The following CCSER1 variants were observed in gnomAD, a reference collection of about 807,000 sequenced individuals.
CCSER1 encodes coiled-coil serine rich protein 1.
A neutral mutation model predicts 82.0 loss-of-function variants in CCSER1; 41 were observed. The observed-to-expected ratio is 0.50, with a 90% CI of 0.39 to 0.65. The LOEUF (loss-of-function observed/expected upper bound fraction) is 0.65. Among genes scored for constraint, CCSER1 ranks in the 30% least tolerant of loss-of-function variants. CCSER1 has a pLI of 0.00. For missense variants in CCSER1, 1,119 were observed against 1,064.2 expected (o/e 1.05, Z -0.72); for synonymous variants, 414 against 383.9 (o/e 1.08, Z -0.92).
chr4:90,759,999 T>G (rs534830806), intron 7 of CCSER1, among the ~76,000 whole-genome samples: 6 of 152,122 alleles, frequency 3.9e-5, no homozygotes, highest in African/African-American at 9.6e-5. Context: ...ATATTATAAA[T>G]GAAGTATAAA....
At chr4:90,499,772 T>C (rs1280902753) in intron 5 of CCSER1, among the ~76,000 whole-genome samples, 1 of 152,182 alleles carries the variant, frequency 6.6e-6, no homozygotes, top group East Asian at 1.9e-4. Flanking sequence ...TGATTTCTCA[T>C]GTTCCATCAT....
intron 4 of CCSER1, among the ~76,000 whole-genome samples, chr4:90,432,963 T>C (rs1042747440): frequency 5.3e-5 from 8 of 152,156 alleles, no homozygotes; most frequent in African/African-American, 1.9e-4. Flanking sequence ...TAAAGCTCAG[T>C]TCTTAGACTT....
chr4:91,142,068 G>A (rs1173013687), intron 10 of CCSER1, among the ~76,000 whole-genome samples: 1 of 152,122 alleles, frequency 6.6e-6, no homozygotes, highest in East Asian at 1.9e-4. Context: ...TGCTTACCCT[G>A]TGATATGGTT....
At chr4:91,225,424 C>G (rs939258016) in intron 10 of CCSER1, among the ~76,000 whole-genome samples, 1 of 141,512 alleles carries the variant, frequency 7.1e-6, no homozygotes, top group Non-Finnish European at 1.5e-5. Flanking sequence ...TGAAAATATA[C>G]AGTATTTCTT....
intron 9 of CCSER1, among the ~76,000 whole-genome samples, chr4:91,074,342 A>C (rs1238662346): frequency 1.3e-5 from 2 of 152,228 alleles, no homozygotes; most frequent in African/African-American, 2.4e-5. Context: ...CTGAAATAGT[A>C]ATGAGTCTTT....
Position 91,598,937 on chromosome 4 carries a change from C to A in CCSER1, c.2583C>A (p.Gly861=). The change falls in exon 11 of 11, where the codon GGC becomes GGA. Residue 861 remains glycine (G), a synonymous_variant. Coordinates refer to ENST00000509176, the MANE Select transcript of CCSER1 (RefSeq NM_001145065.2). ...CCCGACAGCATTCGACCTTTACAGG[C>A]AGGTTTGGACAGCCACCCAGAGGGC... is the stretch of plus-strand genomic sequence containing the variant. The part of the protein sequence containing the change: ...ATARQHSTFT[G]RFGQPPRGPI... 2.6e-6 allele frequency: 4 copies of A among 1,551,556 alleles called. No individual in the cohort carries two copies. Among genetic ancestry groups the A allele is most frequent in the Non-Finnish European group, 3.5e-6 (4 of 1,146,896 alleles).
At chr4:90,654,998 A>C (rs947730525) in intron 6 of CCSER1, among the ~76,000 whole-genome samples, 6 of 152,066 alleles carry the variant, frequency 3.9e-5, no homozygotes, top group Non-Finnish European at 8.8e-5. Flanking sequence ...TGCATATTTA[A>C]ATTTAGATTA....
In CCSER1 at chr4:90,582,415, T is replaced by A. The variant is rs144023876; in HGVS notation, c.1725-45610T>A. 7.5e-3 allele frequency among the ~76,000 whole-genome samples: 1,143 copies of A among 152,326 alleles called. 11 individuals are homozygous for A. The highest frequency in any genetic ancestry group is 0.026 in the African/African-American group (1,073 of 41,548). On this transcript the variant is annotated intron_variant, in intron 5 of 10. Transcript: ENST00000509176. ...TAGGAACTCTTTAAATTTCTTTACC[T>A]ACTATTATATTAATAACACTTTAGT...
intron 8 of CCSER1, among the ~76,000 whole-genome samples, chr4:90,863,441 C>T (rs1225173790): frequency 1.3e-5 from 2 of 151,842 alleles, no homozygotes; most frequent in South Asian, 4.1e-4. Context: ...ATGATAGATA[C>T]TTTTACATAT....
intron 10 of CCSER1, among the ~76,000 whole-genome samples, chr4:91,485,452 A>G (rs554248733): frequency 6.6e-6 from 1 of 152,302 alleles, no homozygotes; most frequent in South Asian, 2.1e-4. Flanking sequence ...TTTTTACACT[A>G]TGACAAAAAT....
chr4:90,605,020 G>A (rs1015515921), intron 5 of CCSER1, among the ~76,000 whole-genome samples: 5 of 152,290 alleles, frequency 3.3e-5, no homozygotes, highest in African/African-American at 1.2e-4. Context: ...CGTGTGGGAG[G>A]TTTGTTCTTT....
intron 9 of CCSER1, among the ~76,000 whole-genome samples, chr4:91,038,762 C>T (rs1454435894): frequency 6.6e-6 from 1 of 151,988 alleles, no homozygotes; most frequent in Non-Finnish European, 1.5e-5. Flanking sequence ...ATTCTATGTT[C>T]TTCACTCAAA....
chr4:90,269,612 A>G (rs1346425012), intron 1 of CCSER1, among the ~76,000 whole-genome samples: 1 of 152,050 alleles, frequency 6.6e-6, no homozygotes, highest in Non-Finnish European at 1.5e-5. Flanking sequence ...ACAACAGTGC[A>G]TCTTAAAGAA....
chr4:91,557,919 T>C (rs1762477927), intron 10 of CCSER1, among the ~76,000 whole-genome samples: 1 of 151,346 alleles, frequency 6.6e-6, no homozygotes, highest in Admixed American at 6.6e-5. Context: ...TTTACATATT[T>C]ATTTATACTA....
At chr4:91,451,271 A>G (rs1176470642) in intron 10 of CCSER1, among the ~76,000 whole-genome samples, 1 of 151,972 alleles carries the variant, frequency 6.6e-6, no homozygotes, top group Non-Finnish European at 1.5e-5. Context: ...TCAACATATG[A>G]AAATTTAAGG....
At chr4:90,967,424 G>A (rs1734675827) in intron 9 of CCSER1, among the ~76,000 whole-genome samples, 1 of 151,870 alleles carries the variant, frequency 6.6e-6, no homozygotes, top group African/African-American at 2.4e-5. Flanking sequence ...ACTCCAGCCT[G>A]GGCGACAGAG....
At chr4:91,090,966 A>G (rs892843896) in intron 10 of CCSER1, among the ~76,000 whole-genome samples, 1 of 152,108 alleles carries the variant, frequency 6.6e-6, no homozygotes, top group African/African-American at 2.4e-5. Flanking sequence ...GCTTCCACTC[A>G]TGCAGGAGGG....
intron 5 of CCSER1, among the ~76,000 whole-genome samples, chr4:90,581,301 A>T (rs370324202): frequency 6.6e-6 from 1 of 152,160 alleles, no homozygotes; most frequent in South Asian, 2.1e-4. Context: ...CTATGAGCAC[A>T]TGTAAAAGAT....
intron 10 of CCSER1, among the ~76,000 whole-genome samples, chr4:91,546,643 G>T (rs1340587430): frequency 6.6e-6 from 1 of 151,838 alleles, no homozygotes; most frequent in Non-Finnish European, 1.5e-5. Flanking sequence ...TCTCAGCCTA[G>T]CTAGAGGGTT....
Sources: allele counts gnomAD v4.1 joint callset (sites outside exome capture counted in the v4.1 genomes callset), GRCh38; gene constraint gnomAD v4.1.1; transcripts MANE v1.5; gene names NCBI Gene and HGNC (gene_info 2026-07-23, HGNC 2026-07-21).